SLC1A4: variants seen among roughly 807,000 people sequenced by gnomAD.
SLC1A4 encodes solute carrier family 1 member 4, also known as neutral amino acid transporter A.
SLC1A4 carries 19 observed loss-of-function variants against 37.7 expected under a neutral mutation model. The ratio of observed to expected loss-of-function variants is 0.50; its 90% CI spans 0.35 to 0.74. The LOEUF is 0.74. SLC1A4 is among the 30% of genes least tolerant of loss of function. The pLI, the probability that SLC1A4 is intolerant of heterozygous loss-of-function variation, is 0.01. For synonymous variants in SLC1A4, 299 were observed against 309.8 expected (o/e 0.97, Z 0.37); for missense variants, 570 against 712.9 (o/e 0.80, Z 2.28).
intron 1 of SLC1A4, among the ~76,000 whole-genome samples, chr2:64,995,418 T>C (rs1326977861): frequency 6.6e-5 from 10 of 152,224 alleles, no homozygotes; most frequent in Admixed American, 6.5e-4. Flanking sequence ...TGAGGGCTAT[T>C]TGATATGATG....
chr2:65,016,611 C>A lies in SLC1A4; in HGVS notation c.972C>A (p.Asn324Lys), dbSNP rs751293273. 47 of 1,614,002 alleles carry A rather than the reference C, an allele frequency of 2.9e-5. 2 individuals carry two copies. The Admixed American group carries it at 7.3e-4, about 25-fold the overall frequency. Residue 324 changes from asparagine to lysine, a missense_variant, in exon 5 of 8, where the codon AAC (asparagine) becomes AAA (lysine). Transcript: ENST00000234256. ...PLIYFVFTRK[N>K]PFRFLLGLLA... ...TTTATTTTGTTTTCACACGAAAAAA[C>A]CCATTCAGATTCCTCCTGGGCCTCC...
Position 65,018,819 on chromosome 2 carries a change from G to A in SLC1A4, c.1364+140G>A. The A allele has an allele frequency of 1.1e-6, 1 of 951,822 alleles. No homozygotes were observed. Among genetic ancestry groups the A allele is most frequent in the South Asian group, 1.7e-5 (1 of 59,548 alleles). 59.0% of individuals were successfully genotyped at this position (951,822 alleles called of 1,614,324 possible). A position where few individuals can be genotyped will look rare whatever the true frequency, so the allele number is the denominator to read the frequency against. On this transcript the variant is annotated intron_variant, in intron 7 of 7. Coordinates refer to ENST00000234256, the MANE Select transcript of SLC1A4 (RefSeq NM_003038.5). This position sits in a 1 kb window ranked among gnomAD's most constrained non-coding sequence, Gnocchi z 4.3. Reference sequence around the variant, plus strand: ...AGGAGGCTACAGTGGAGCTAAAAGGGCAAGATTTAGAGCTAGGAAAAATTA... The same window carrying A: ...AGGAGGCTACAGTGGAGCTAAAAGGACAAGATTTAGAGCTAGGAAAAATTA...
chr2:65,013,348 G>A (rs1329838115), intron 4 of SLC1A4, among the ~76,000 whole-genome samples: 4 of 152,130 alleles, frequency 2.6e-5, no homozygotes, highest in African/African-American at 7.2e-5. Flanking sequence ...TCAGCCTCCC[G>A]AGAAGCTGGG....
chr2:65,011,995 C>T (rs984704134), intron 4 of SLC1A4, among the ~76,000 whole-genome samples: 3 of 151,962 alleles, frequency 2.0e-5, no homozygotes, highest in African/African-American at 7.3e-5. Context: ...TCTCTAACTC[C>T]TGACCTCAGG....
intron 2 of SLC1A4, among the ~76,000 whole-genome samples, chr2:65,003,108 G>A (rs958179739): frequency 3.3e-5 from 5 of 152,066 alleles, no homozygotes; most frequent in Admixed American, 6.5e-5. Context: ...CAGAGGAGGC[G>A]GGTGGGTTTG....
chr2:65,014,505 G>C (rs923523817), intron 4 of SLC1A4, among the ~76,000 whole-genome samples: 1 of 152,196 alleles, frequency 6.6e-6, no homozygotes, highest in Admixed American at 6.5e-5. Flanking sequence ...ACTGTAGGAT[G>C]TTTAGCACCA....
intron 4 of SLC1A4, among the ~76,000 whole-genome samples, chr2:65,012,717 A>G (rs1558525070): frequency 6.6e-6 from 1 of 152,210 alleles, no homozygotes; most frequent in Non-Finnish European, 1.5e-5. Flanking sequence ...AGTCTAAAAT[A>G]TTAATATTTT....
intron 3 of SLC1A4, among the ~76,000 whole-genome samples, chr2:65,006,979 C>T (rs1295606071): frequency 3.3e-5 from 5 of 152,180 alleles, no homozygotes; most frequent in African/African-American, 1.2e-4. Flanking sequence ...GTGCCTCTGA[C>T]CCGTGGCTCT....
rs981696263 is a variant in SLC1A4 at position 65,021,869 on chromosome 2, A to C, written c.*723A>C. 2 of 152,488 alleles carry C rather than the reference A, an allele frequency of 1.3e-5. No homozygotes were observed. The highest frequency in any genetic ancestry group is 4.8e-5 in the African/African-American group (2 of 41,454). The allele number at this position is 152,488 out of a possible 1,614,324, so 9.4% of individuals were successfully genotyped here. A position where few individuals can be genotyped will look rare whatever the true frequency, so the allele number is the denominator to read the frequency against. On this transcript the variant is annotated 3_prime_UTR_variant, in exon 8 of 8. Coordinates refer to ENST00000234256, the MANE Select transcript of SLC1A4 (RefSeq NM_003038.5). ...GGAGAAGCGGGGCAGAGGGTTCTCT[A>C]ATCTAATCAGGACAGGACAGGTTTC...
intron 3 of SLC1A4, among the ~76,000 whole-genome samples, chr2:65,008,988 C>T (rs36110974): frequency 0.017 from 2,589 of 152,282 alleles, 22 homozygotes; most frequent in Middle Eastern, 0.027. Flanking sequence ...TTACTATTGC[C>T]GCTGCTCCTC....
chr2:64,997,294 T>A (rs1285679069), intron 1 of SLC1A4, among the ~76,000 whole-genome samples: 1 of 152,200 alleles, frequency 6.6e-6, no homozygotes, highest in Non-Finnish European at 1.5e-5. Context: ...TAACAGTTAT[T>A]ACCATACTTT....
At chr2:65,009,934 A>ATT (rs35311819) in intron 3 of SLC1A4, among the ~76,000 whole-genome samples, 25 of 145,476 alleles carry the variant, frequency 1.7e-4, no homozygotes, top group African/African-American at 4.8e-4. Flanking sequence ...TCTGAAGGAA[A>ATT]TTTTTTTTTT....
intron 1 of SLC1A4, chr2:64,995,003 T>C (rs1673198363): frequency 6.6e-6 from 1 of 152,150 alleles, no homozygotes. Context: ...AGACAGCACA[T>C]CTAACAAGGA....
At chr2:65,002,198 C>T (rs376175694) in intron 2 of SLC1A4, among the ~76,000 whole-genome samples, 2 of 151,712 alleles carry the variant, frequency 1.3e-5, no homozygotes, top group African/African-American at 2.4e-5. Flanking sequence ...GAGAATTGCT[C>T]GAACCTGGGA....
At chr2:64,996,484 A>G (rs1673257140) in intron 1 of SLC1A4, among the ~76,000 whole-genome samples, 1 of 152,194 alleles carries the variant, frequency 6.6e-6, no homozygotes, top group Admixed American at 6.5e-5. Flanking sequence ...AAAGTGGGTG[A>G]TGTGCAGAGG....
chr2:65,012,007 G>T (rs1229208836), intron 4 of SLC1A4, among the ~76,000 whole-genome samples: 1 of 151,308 alleles, frequency 6.6e-6, no homozygotes, highest in Admixed American at 6.6e-5. Context: ...GACCTCAGGC[G>T]ATCCGCCTGC....
chr2:65,019,942 G>A (rs1403377234), intron 7 of SLC1A4, among the ~76,000 whole-genome samples: 3 of 152,324 alleles, frequency 2.0e-5, no homozygotes, highest in Admixed American at 6.5e-5. Flanking sequence ...CACTCTGCAG[G>A]GAGTCAGCTC....
chr2:65,003,838 G>A, intron 2 of SLC1A4, 115 bp from the exon 3 acceptor site: 1 of 745,494 alleles, frequency 1.3e-6, no homozygotes, highest in Non-Finnish European at 2.3e-6. Flanking sequence ...GAATGCCCAG[G>A]ACACTCAGTG....
At chr2:65,006,478 C>A (rs148671270) in intron 3 of SLC1A4, among the ~76,000 whole-genome samples, 1 of 151,184 alleles carries the variant, frequency 6.6e-6, no homozygotes, top group African/African-American at 2.4e-5. Context: ...GGCAACAGAG[C>A]GAGACTCTGT....
Sources: gnomAD v4.1 joint callset for allele counts (sites outside exome capture counted in the v4.1 genomes callset) on GRCh38, gnomAD v4.1.1 for gene constraint, Gnocchi (gnomAD v3.1) non-coding constraint, MANE v1.5 for transcripts, NCBI Gene and HGNC (gene_info 2026-07-23, HGNC 2026-07-21) for gene names.